SETD3: variants seen among roughly 807,000 people sequenced by gnomAD.
The protein encoded by SETD3 is actin-histidine N-methyltransferase.
A neutral mutation model predicts 63.0 loss-of-function variants in SETD3; 19 were observed. The observed-to-expected ratio is 0.30, with a 90% CI of 0.21 to 0.44. The LOEUF (loss-of-function observed/expected upper bound fraction) is 0.44. Among genes scored for constraint, SETD3 ranks in the 20% least tolerant of loss-of-function variants. SETD3 has a pLI of 1.00. For synonymous variants in SETD3, 286 were observed against 264.1 expected, an observed-to-expected ratio of 1.08 and a Z score of -0.80; for missense variants, 587 against 728.5, an observed-to-expected ratio of 0.81 and a Z score of 2.24.
At chr14:99,475,872 G>A (rs1314940296) in intron 1 of SETD3, among the ~76,000 whole-genome samples, 1 of 152,144 alleles carries the variant, frequency 6.6e-6, no homozygotes, top group Non-Finnish European at 1.5e-5. Flanking sequence ...ATAGCCTTTA[G>A]GACAAGACAG....
chr14:99,483,683 G>T (rs976774858), upstream of SETD3, among the ~76,000 whole-genome samples: 3 of 152,238 alleles, frequency 2.0e-5, no homozygotes, highest in Non-Finnish European at 2.9e-5. Flanking sequence ...TTCTAATACT[G>T]TGTGTAGACA....
intron 6 of SETD3, among the ~76,000 whole-genome samples, chr14:99,441,204 T>C (rs1403341438): frequency 6.6e-6 from 1 of 152,220 alleles, no homozygotes; most frequent in Non-Finnish European, 1.5e-5. Context: ...GTGTGGGGTG[T>C]GGCGGATGGG....
At chr14:99,407,981 T>C (rs1891778929) in intron 8 of SETD3, among the ~76,000 whole-genome samples, 1 of 152,198 alleles carries the variant, frequency 6.6e-6, no homozygotes, top group Admixed American at 6.5e-5. Context: ...TCCTGTCTTT[T>C]AGAGCAGCGC....
At chr14:99,442,067 C>T (rs1893852537) in intron 6 of SETD3, among the ~76,000 whole-genome samples, 1 of 152,194 alleles carries the variant, frequency 6.6e-6, no homozygotes, top group Non-Finnish European at 1.5e-5. Flanking sequence ...GGCATGAATT[C>T]TGACTATGAA....
intron 6 of SETD3, among the ~76,000 whole-genome samples, chr14:99,444,926 G>A (rs149640824): frequency 2.6e-4 from 39 of 151,936 alleles, no homozygotes; most frequent in African/African-American, 9.4e-4. Flanking sequence ...TTGAAAAAAC[G>A]TAAAAATAAG....
intron 1 of SETD3, among the ~76,000 whole-genome samples, chr14:99,478,497 G>A (rs2139828553): frequency 6.6e-6 from 1 of 152,234 alleles, no homozygotes; most frequent in South Asian, 2.1e-4. Flanking sequence ...ACCCTACTTC[G>A]GATTTGTGAT....
At chr14:99,420,322 CTCAT>C (rs1892518752) in intron 6 of SETD3, among the ~76,000 whole-genome samples, 2 of 152,166 alleles carry the variant, frequency 1.3e-5, no homozygotes, top group South Asian at 4.2e-4. Flanking sequence ...TGCTCAGTGC[CTCAT>C]TCAAAGAATT....
At chr14:99,416,379 G>A (rs949478099) in intron 6 of SETD3, among the ~76,000 whole-genome samples, 5 of 152,182 alleles carry the variant, frequency 3.3e-5, no homozygotes, top group Admixed American at 3.3e-4. Context: ...ATAACTGAGC[G>A]TTCCTCACTT....
upstream of SETD3, among the ~76,000 whole-genome samples, chr14:99,484,656 CAG>C (rs1245096248): frequency 6.6e-6 from 1 of 152,082 alleles, no homozygotes; most frequent in Non-Finnish European, 1.5e-5. Flanking sequence ...ATGAACAGGA[CAG>C]ATAAAAATCA....
chr14:99,458,774 CAAAA>C (rs5810953), intron 5 of SETD3, among the ~76,000 whole-genome samples: 1 of 89,548 alleles, frequency 1.1e-5, no homozygotes, highest in Non-Finnish European at 2.1e-5. Flanking sequence ...CCCATCACTA[CAAAA>C]AAAAAAAAAA....
At chr14:99,417,984 T>C (rs910732932) in intron 6 of SETD3, among the ~76,000 whole-genome samples, 3 of 152,160 alleles carry the variant, frequency 2.0e-5, no homozygotes, top group African/African-American at 7.2e-5. Flanking sequence ...CTAAAGAATA[T>C]TCTTCTCTAC....
chr14:99,401,436 G>A (rs1266537157), intron 11 of SETD3, among the ~76,000 whole-genome samples: 1 of 152,156 alleles, frequency 6.6e-6, no homozygotes, highest in Non-Finnish European at 1.5e-5. Context: ...CACTATTTAC[G>A]ATTCAAACTG....
chr14:99,477,364 C>G lies in SETD3; in HGVS notation c.-9+3364G>C, dbSNP rs1454164382. ...GGAGACTCCCAAGTGGAAACGGGGT[C>G]AACACAGCTAATCTCTGGCTTGAGT... On this transcript the variant is annotated intron_variant, in intron 1 of 12. Coordinates refer to ENST00000331768, the MANE Select transcript of SETD3 (RefSeq NM_032233.3). Among the ~76,000 whole-genome samples, 4 of 152,130 alleles carry G rather than the reference C, an allele frequency of 2.6e-5. No homozygotes were observed. In the East Asian group the frequency reaches 7.7e-4, roughly 29 times the overall value.
intron 8 of SETD3, among the ~76,000 whole-genome samples, chr14:99,409,023 C>G (rs900127716): frequency 2.4e-4 from 36 of 152,164 alleles, no homozygotes; most frequent in Admixed American, 2.2e-3. Flanking sequence ...AGACGCTGAC[C>G]AGGTCTGACT....
rs549283518 is a variant in SETD3 at position 99,472,531 on chromosome 14, T to C, written c.-8-6718A>G. ...AGTTTAAACAAATGAGACACTCAAA[T>C]AGGTATTCTGAACATACTTCATGCT... On this transcript the variant is annotated intron_variant, in intron 1 of 12. Coordinates refer to ENST00000331768, the MANE Select transcript of SETD3 (RefSeq NM_032233.3). Among the ~76,000 whole-genome samples the C allele has an allele frequency of 2.1e-3, 318 of 152,336 alleles. 1 individual carries two copies. Among genetic ancestry groups the C allele is most frequent in the African/African-American group, 7.5e-3 (313 of 41,576 alleles).
At chr14:99,474,652 G>A (rs536432093) in intron 1 of SETD3, among the ~76,000 whole-genome samples, 1 of 152,248 alleles carries the variant, frequency 6.6e-6, no homozygotes, top group South Asian at 2.1e-4. Context: ...ATCGCCTGAG[G>A]TCAGGAGTTC....
At chr14:99,481,219 G>GC, upstream of SETD3, 1 of 393,742 alleles carries the variant, frequency 2.5e-6, no homozygotes, top group Non-Finnish European at 4.5e-6. Flanking sequence ...GACGGGATGG[G>GC]CCCTGTGGCT....
intron 6 of SETD3, among the ~76,000 whole-genome samples, chr14:99,444,834 CAA>C (rs58112982): frequency 1.7e-5 from 2 of 115,786 alleles, no homozygotes; most frequent in African/African-American, 3.0e-5. Flanking sequence ...GACTTTGTCT[CAA>C]AAAAAAAAAA....
intron 6 of SETD3, among the ~76,000 whole-genome samples, chr14:99,447,025 C>T (rs1392532106): frequency 2.0e-5 from 3 of 151,610 alleles, no homozygotes; most frequent in East Asian, 1.9e-4. Flanking sequence ...CAGGCTAGAG[C>T]GCAGTGGTAC....
Sources: gnomAD v4.1 joint callset for allele counts (sites outside exome capture counted in the v4.1 genomes callset) on GRCh38, gnomAD v4.1.1 for gene constraint, MANE v1.5 for transcripts, NCBI Gene and HGNC (gene_info 2026-07-23, HGNC 2026-07-21) for gene names.